The following ORAI3 variants were observed in gnomAD, a reference collection of about 807,000 sequenced individuals.
ORAI3 encodes protein orai-3.
A neutral mutation model predicts 17.2 loss-of-function variants in ORAI3; 15 were observed. That is an observed-to-expected ratio of 0.87 (90% CI 0.58 to 1.34). The LOEUF (loss-of-function observed/expected upper bound fraction) is 1.34. ORAI3 is among the 40% of genes most tolerant of loss of function. ORAI3 has a pLI of 0.00. For synonymous variants in ORAI3, 178 were observed against 172.4 expected (o/e 1.03, Z -0.25); for missense variants, 405 against 396.7 (o/e 1.02, Z -0.18).
Position 30,953,966 on chromosome 16 carries a change from T to C in ORAI3, c.*122T>C. 1 of 1,105,748 alleles carries C rather than the reference T, an allele frequency of 9.0e-7. No homozygotes were observed. Among genetic ancestry groups the C allele is most frequent in the Non-Finnish European group, 1.3e-6 (1 of 752,932 alleles). The allele number at this position is 1,105,748 out of a possible 1,614,324, so 68.5% of individuals were successfully genotyped here. On this transcript the variant is annotated 3_prime_UTR_variant, in exon 2 of 2. Coordinates refer to ENST00000318663, the MANE Select transcript of ORAI3 (RefSeq NM_152288.3). ...CTGGAGCCACTTCCAGTGGCCACTC[T>C]CAGGCAGAGTTCAGATTCCTGCCCG... is the stretch of plus-strand genomic sequence containing the variant.
At chr16:30,951,730 C>A (rs1160455019) in intron 1 of ORAI3, among the ~76,000 whole-genome samples, 2 of 152,004 alleles carry the variant, frequency 1.3e-5, no homozygotes, top group African/African-American at 2.4e-5. Context: ...AAAAGAGAGA[C>A]CCCATGACCT....
chr16:30,953,325 T>C lies in ORAI3; in HGVS notation c.369T>C (p.Ile123=), dbSNP rs2055933680. 2 of 1,614,008 alleles carry C rather than the reference T, an allele frequency of 1.2e-6. No homozygotes were observed. The highest frequency in any genetic ancestry group is 1.7e-6 in the Non-Finnish European group (2 of 1,180,012). ...LMVSTCLLPH[I]EAVSNIHNLN... ...TCTCCACGTGTCTGCTGCCCCACAT[T>C]GAAGCTGTGAGCAACATCCACAACC... The change falls in exon 2 of 2, where the codon ATT becomes ATC. Residue 123 remains isoleucine (I), a synonymous_variant. Transcript: ENST00000318663.
chr16:30,950,133 G>A (rs1214846902), intron 1 of ORAI3, among the ~76,000 whole-genome samples: 2 of 152,184 alleles, frequency 1.3e-5, no homozygotes, highest in African/African-American at 2.4e-5. Flanking sequence ...GTTGGCTAAC[G>A]GTCTGCCCCA....
Position 30,949,327 on chromosome 16 carries a change from C to T in ORAI3, c.38C>T (p.Pro13Leu), listed in dbSNP as rs2055909427. The T allele has an allele frequency of 6.8e-7, 1 of 1,477,374 alleles. No homozygotes were observed. Among genetic ancestry groups the T allele is most frequent in the East Asian group, 2.8e-5 (1 of 35,516 alleles). The allele number at this position is 1,477,374 out of a possible 1,614,324, so 91.5% of individuals were successfully genotyped here. The change falls in exon 1 of 2, where the codon CCG becomes CTG. Residue 13 changes from proline (P) to leucine (L), a missense_variant. Transcript: ENST00000318663. ...GGEGDAGEQA[P>L]LNPEGESPAG... The stretch of plus-strand genomic sequence containing the variant: ...GAGGGGGACGCGGGCGAGCAGGCCC[C>T]GCTGAACCCTGAGGGCGAGAGCCCT...
At position 30,953,501 on chromosome 16, in the gene ORAI3, A is replaced by G. The variant is rs753825525; in HGVS notation, c.545A>G (p.Asp182Gly). 2.5e-6 allele frequency: 4 copies of G among 1,614,204 alleles called. No individual in the cohort carries two copies. Among genetic ancestry groups the G allele is most frequent in the Middle Eastern group, 1.6e-4 (1 of 6,062 alleles). The change falls in exon 2 of 2, where the codon GAC becomes GGC. Residue 182 changes from aspartate to glycine, a missense_variant. Coordinates refer to ENST00000318663, the MANE Select transcript of ORAI3 (RefSeq NM_152288.3). The part of the protein sequence containing the change: ...VKFVPIGAPL[D>G]TPTPMVPTSR... The stretch of plus-strand genomic sequence containing the variant: ...TTTGTGCCCATTGGGGCTCCCTTGG[A>G]CACACCGACCCCCATGGTGCCCACA...
At position 30,949,113 on chromosome 16, in the gene ORAI3, C is replaced by A; in HGVS notation, c.-177C>A. On this transcript the variant is annotated 5_prime_UTR_variant, in exon 1 of 2. Transcript: ENST00000318663. ...CTGTCCCGCTCCGGCTCCTGGGGCT[C>A]CCCGCAGACGCTGCTTTTCTTGCTC... is the stretch of plus-strand genomic sequence containing the variant. The A allele has an allele frequency of 8.3e-6, 4 of 483,314 alleles. No homozygotes were observed. In the South Asian group the frequency reaches 1.6e-4, roughly 19 times the overall value. The allele number at this position is 483,314 out of a possible 1,614,324, so 29.9% of individuals were successfully genotyped here.
intron 1 of ORAI3, among the ~76,000 whole-genome samples, chr16:30,951,506 T>C (rs894300089): frequency 5.3e-5 from 8 of 152,158 alleles, no homozygotes; most frequent in Admixed American, 3.9e-4. Context: ...ACTCAAATGT[T>C]TGCAAAGGGC....
chr16:30,954,097 T>G lies in ORAI3; in HGVS notation c.*253T>G. 1 of 703,222 alleles carries G rather than the reference T, an allele frequency of 1.4e-6. No homozygotes were observed. Among genetic ancestry groups the G allele is most frequent in the East Asian group, 2.7e-5 (1 of 37,290 alleles). The allele number at this position is 703,222 out of a possible 1,614,324, so 43.6% of individuals were successfully genotyped here. A position where few individuals can be genotyped will look rare whatever the true frequency, so the allele number is the denominator to read the frequency against. ...AAGCTACTCTGCACCTGGGCTGGCC[T>G]CAGTTGAAGGATCATGCAGTAGATA... On this transcript the variant is annotated 3_prime_UTR_variant, in exon 2 of 2. Transcript: ENST00000318663.
chr16:30,950,594 G>A (rs570113442), intron 1 of ORAI3, among the ~76,000 whole-genome samples: 108 of 152,274 alleles, frequency 7.1e-4, no homozygotes, highest in African/African-American at 2.6e-3. Flanking sequence ...ATGGCGCTAG[G>A]GGATCTGGGC....
At chr16:30,949,559 G>C (rs1426612809) in intron 1 of ORAI3, 42 bp downstream of exon 1, 16 of 898,360 alleles carry the variant, frequency 1.8e-5, no homozygotes, top group Admixed American at 3.1e-5. Context: ...GGCAGAGCAA[G>C]TGGGGGGCAC....
At chr16:30,949,576 G>A in intron 1 of ORAI3, 59 bp downstream of exon 1, 1 of 803,858 alleles carries the variant, frequency 1.2e-6, no homozygotes. Context: ...GCACAGGTCG[G>A]GGGGGGGGCG....
intron 1 of ORAI3, chr16:30,949,883 G>A (rs746768206): frequency 4.8e-5 from 10 of 208,240 alleles, no homozygotes; most frequent in Non-Finnish European, 7.9e-5. Flanking sequence ...TCAGCTGGGT[G>A]GGGGCTGCAT....
intron 1 of ORAI3, among the ~76,000 whole-genome samples, chr16:30,952,962 G>T (rs1251362646): frequency 6.6e-6 from 1 of 152,116 alleles, no homozygotes. Context: ...CGCCGCGCCC[G>T]GCCATCCAGC....
rs1157404865 is a variant in ORAI3 at position 30,954,025 on chromosome 16, C to T, written c.*181C>T. On this transcript the variant is annotated 3_prime_UTR_variant, in exon 2 of 2. Transcript: ENST00000318663. ...TCTGGGCTGGGCCTTGGGGCAGCTCCCACATTCCCAGGGATTTTCCCCATC... is the reference window on the plus strand; with the variant it reads ...TCTGGGCTGGGCCTTGGGGCAGCTCTCACATTCCCAGGGATTTTCCCCATC... The T allele has an allele frequency of 2.7e-6, 2 of 740,358 alleles. No individual in the cohort carries two copies. Among genetic ancestry groups the T allele is most frequent in the Non-Finnish European group, 2.4e-6 (1 of 419,538 alleles). 45.9% of individuals were successfully genotyped at this position (740,358 alleles called of 1,614,324 possible).
Position 30,953,291 on chromosome 16 carries a change from C to T in ORAI3, c.335C>T (p.Ala112Val). 1 of 1,614,074 alleles carries T rather than the reference C, an allele frequency of 6.2e-7. No individual in the cohort carries two copies. Among genetic ancestry groups the T allele is most frequent in the South Asian group, 1.1e-5 (1 of 91,066 alleles). Residue 112 changes from alanine to valine, a missense_variant, in exon 2 of 2, where the codon GCA (alanine) becomes GTA (valine). Transcript: ENST00000318663. ...TTVLVAVHLFALMVSTCLLPH... is the reference protein window; with the variant it reads ...TTVLVAVHLFVLMVSTCLLPH... ...GTGCTGGTGGCTGTGCACCTCTTTGCACTCATGGTCTCCACGTGTCTGCTG... is the reference window on the plus strand; with the variant it reads ...GTGCTGGTGGCTGTGCACCTCTTTGTACTCATGGTCTCCACGTGTCTGCTG...
rs1004991104 is a variant in ORAI3 at position 30,953,460 on chromosome 16, G to C, written c.504G>C (p.Leu168=). 8 of 1,614,238 alleles carry C rather than the reference G, an allele frequency of 5.0e-6. No homozygotes were observed. Among genetic ancestry groups the C allele is most frequent in the African/African-American group, 1.3e-5 (1 of 75,068 alleles). Residue 168 remains leucine (L), a synonymous_variant, in exon 2 of 2, where the codon CTG becomes CTC. Coordinates refer to ENST00000318663, the MANE Select transcript of ORAI3 (RefSeq NM_152288.3). ...GTFLFLAEVV[L]VGWVKFVPIG... ...TTCTCTTCCTTGCTGAAGTTGTCCT[G>C]GTTGGTTGGGTCAAGTTTGTGCCCA...
At position 30,953,507 on chromosome 16, in the gene ORAI3, C is replaced by T. The variant is rs1250193035; in HGVS notation, c.551C>T (p.Pro184Leu). Residue 184 changes from proline to leucine, a missense_variant, in exon 2 of 2, where the codon CCG (proline) becomes CTG (leucine). Coordinates refer to ENST00000318663, the MANE Select transcript of ORAI3 (RefSeq NM_152288.3). ...FVPIGAPLDTPTPMVPTSRVP... is the reference protein window; with the variant it reads ...FVPIGAPLDTLTPMVPTSRVP... ...CCCATTGGGGCTCCCTTGGACACAC[C>T]GACCCCCATGGTGCCCACATCCCGG... The T allele has an allele frequency of 6.2e-6, 10 of 1,614,116 alleles. No homozygotes were observed. The African/African-American group carries it at 6.7e-5, about 11-fold the overall frequency.
At position 30,949,478 on chromosome 16, in the gene ORAI3, TTCCAGCCGCACG is replaced by T; in HGVS notation, c.192_203del (p.Ser65_Ser68del). 6.2e-7 allele frequency: 1 copy of T among 1,604,462 alleles called. No individual in the cohort carries two copies. Among genetic ancestry groups the T allele is most frequent in the Non-Finnish European group, 8.5e-7 (1 of 1,176,872 alleles). ...ACCTCAGCCGGGCCAAGCTCAAAGC[TTCCAGCCGCACG>T]TCTGCCTTGCTCTCGGGCTTCGCCA... On this transcript the variant is annotated inframe_deletion, in exon 1 of 2. Transcript: ENST00000318663.
In ORAI3 at chr16:30,953,756, A is replaced by G; in HGVS notation, c.800A>G (p.Tyr267Cys). The change falls in exon 2 of 2, where the codon TAC (tyrosine) becomes TGC (cysteine). Residue 267 changes from tyrosine (Y) to cysteine (C), a missense_variant. Transcript: ENST00000318663. Reference protein sequence around the residue: ...LVFVAFALHFYRSLVAHKTDR... With the variant: ...LVFVAFALHFCRSLVAHKTDR... ...TTTGTGGCCTTTGCCCTGCATTTCT[A>G]CCGCTCCTTGGTGGCACACAAGACA... The G allele has an allele frequency of 1.2e-6, 2 of 1,613,982 alleles. No homozygotes were observed. Among genetic ancestry groups the G allele is most frequent in the Non-Finnish European group, 1.7e-6 (2 of 1,180,020 alleles).
Sources: gnomAD v4.1 joint callset for allele counts (sites outside exome capture counted in the v4.1 genomes callset) on GRCh38, gnomAD v4.1.1 for gene constraint, MANE v1.5 for transcripts, NCBI Gene and HGNC (gene_info 2026-07-23, HGNC 2026-07-21) for gene names.